Variants in LGSN observed in about 807,000 individuals in gnomAD.
LGSN encodes lengsin, lens protein with glutamine synthetase domain.
LGSN carries 21 observed loss-of-function variants against 19.5 expected under a neutral mutation model. The observed-to-expected ratio is 1.07, with a 90% CI of 0.76 to 1.55. The LOEUF is 1.55. LGSN is among the 40% of genes most tolerant of loss of function. The pLI is 0.00. For synonymous variants in LGSN, 257 were observed against 215.6 expected (o/e 1.19, Z -1.68); for missense variants, 673 against 608.5 (o/e 1.11, Z -1.12).
the LGSN span, among the ~76,000 whole-genome samples, chr6:63,329,351 G>C: frequency 2.9e-3 from 449 of 152,326 alleles, 3 homozygotes; most frequent in African/African-American, 0.01. Context: ...GAACCATTCT[G>C]CTTCCTCTGG....
chr6:63,492,362 TA>T, the LGSN span, among the ~76,000 whole-genome samples: 37,087 of 152,174 alleles, frequency 0.24, 5,329 homozygotes, highest in Admixed American at 0.34. Flanking sequence ...TAGGACAAAT[TA>T]ATTGCATGGT....
At chr6:63,441,455 G>A in the LGSN span, 1 of 448,062 alleles carries the variant, frequency 2.2e-6, no homozygotes. Context: ...AAGGTGGCAG[G>A]TGATTGCTTG....
chr6:63,399,678 G>T, the LGSN span, among the ~76,000 whole-genome samples: 1 of 150,826 alleles, frequency 6.6e-6, no homozygotes, highest in African/African-American at 2.4e-5. Context: ...TTATAGGTGT[G>T]AGCCACTGCA....
the LGSN span, chr6:63,394,867 C>T: frequency 6.6e-6 from 1 of 152,446 alleles, no homozygotes; most frequent in African/African-American, 2.4e-5. Context: ...GCAGGAGGGC[C>T]TGGGGGGCGT....
chr6:63,412,748 AAAGAAAGAAAGAAAG>A, the LGSN span, among the ~76,000 whole-genome samples: 4 of 89,818 alleles, frequency 4.5e-5, no homozygotes, highest in African/African-American at 6.7e-5. Flanking sequence ...AGAAAGAAAG[AAAGAAAGAAAGAAAG>A]AAAGAAAGGA....
the LGSN span, among the ~76,000 whole-genome samples, chr6:63,438,859 T>C: frequency 7.2e-5 from 11 of 151,984 alleles, no homozygotes; most frequent in African/African-American, 2.4e-5. Context: ...ACTGGGTATA[T>C]ACCCAAAGGA....
At chr6:63,293,634 G>A (rs1270621387) in intron 2 of LGSN, 1 of 423,184 alleles carries the variant, frequency 2.4e-6, no homozygotes, top group Admixed American at 2.6e-5. Flanking sequence ...CCACATACCA[G>A]TTTGTTCCAG....
the LGSN span, among the ~76,000 whole-genome samples, chr6:63,500,699 G>A: frequency 1.3e-5 from 2 of 151,778 alleles, no homozygotes; most frequent in East Asian, 3.9e-4. Flanking sequence ...GGGATTACAG[G>A]CGTGAGCCAT....
the LGSN span, among the ~76,000 whole-genome samples, chr6:63,539,818 A>G: frequency 2.6e-5 from 4 of 152,296 alleles, no homozygotes; most frequent in South Asian, 6.2e-4. Flanking sequence ...TCAGAAAAAA[A>G]CTCAAAAGTT....
chr6:63,315,273 A>C (rs913765310), intron 1 of LGSN, among the ~76,000 whole-genome samples: 1 of 152,134 alleles, frequency 6.6e-6, no homozygotes, highest in African/African-American at 2.4e-5. Flanking sequence ...TCTAAATGAG[A>C]CTTCTTTGGA....
upstream of LGSN, among the ~76,000 whole-genome samples, chr6:63,323,559 T>TATACAC (rs540446460): frequency 5.7e-3 from 754 of 132,826 alleles, 1 homozygote; most frequent in Admixed American, 0.012. Flanking sequence ...AAACCTCATA[T>TATACAC]ACACACACAC....
the LGSN span, chr6:63,572,139 G>C: frequency 1.3e-5 from 2 of 152,402 alleles, no homozygotes; most frequent in African/African-American, 4.8e-5. Flanking sequence ...GTGCACTCCT[G>C]GACCGTTTTA....
chr6:63,479,237 G>T, the LGSN span, among the ~76,000 whole-genome samples: 2 of 152,062 alleles, frequency 1.3e-5, no homozygotes, highest in Non-Finnish European at 2.9e-5. Context: ...TATCAGCAAG[G>T]GAGACCCAGA....
At chr6:63,477,110 A>C in the LGSN span, among the ~76,000 whole-genome samples, 1 of 152,228 alleles carries the variant, frequency 6.6e-6, no homozygotes, top group East Asian at 1.9e-4. Flanking sequence ...AGCATTTCTC[A>C]TCACAGTTTG....
chr6:63,368,609 T>A, the LGSN span, among the ~76,000 whole-genome samples: 1 of 152,222 alleles, frequency 6.6e-6, no homozygotes, highest in Non-Finnish European at 1.5e-5. Context: ...ACACGCAGCA[T>A]GTTGCCACTG....
At chr6:63,531,169 A>G in the LGSN span, among the ~76,000 whole-genome samples, 1 of 152,186 alleles carries the variant, frequency 6.6e-6, no homozygotes, top group Non-Finnish European at 1.5e-5. Flanking sequence ...GTCCATCAAG[A>G]TAACTGCAAG....
the LGSN span, among the ~76,000 whole-genome samples, chr6:63,412,533 A>AGAAAGAAG: frequency 2.2e-3 from 183 of 85,088 alleles, no homozygotes; most frequent in Middle Eastern, 6.0e-3. Flanking sequence ...AAAGAAGGAA[A>AGAAAGAAG]GAAAGAAAGA....
At chr6:63,359,234 CT>C in the LGSN span, among the ~76,000 whole-genome samples, 1 of 152,162 alleles carries the variant, frequency 6.6e-6, no homozygotes, top group African/African-American at 2.4e-5. Context: ...ATTCGGTTTG[CT>C]AGTATTTTAT....
chr6:63,304,792 G>A lies in LGSN; in HGVS notation c.31-9747C>T, dbSNP rs576452096. ...CCAAAGTTTTAAATGTTTGCAGACA[G>A]CCATGTGTAGAATGTCAGATGGTAT... On this transcript the variant is annotated intron_variant, in intron 1 of 3. Coordinates refer to ENST00000370657, the MANE Select transcript of LGSN (RefSeq NM_016571.3). Among the ~76,000 whole-genome samples the A allele has an allele frequency of 2.0e-5, 3 of 152,244 alleles. No homozygotes were observed. In the South Asian group the frequency reaches 6.2e-4, roughly 32 times the overall value.
Sources: gnomAD v4.1 joint callset for allele counts (sites outside exome capture counted in the v4.1 genomes callset) on GRCh38, gnomAD v4.1.1 for gene constraint, MANE v1.5 for transcripts, NCBI Gene and HGNC (gene_info 2026-07-23, HGNC 2026-07-21) for gene names.